BOP1: variants seen among roughly 807,000 people sequenced by gnomAD.
BOP1 encodes ribosome biogenesis protein BOP1.
BOP1 carries 54 observed loss-of-function variants against 82.9 expected under a neutral mutation model. The observed-to-expected ratio is 0.65, with a 90% CI of 0.52 to 0.82. The LOEUF (loss-of-function observed/expected upper bound fraction) is 0.82, where lower values mean the gene tolerates loss of function less well. Ranked by LOEUF, BOP1 falls within the 40% of genes least tolerant of loss-of-function variation. BOP1 has a pLI of 0.00. For synonymous variants in BOP1, 566 were observed against 451.1 expected (o/e 1.25, Z -3.23); for missense variants, 1,170 against 1,072.0 (o/e 1.09, Z -1.28).
Position 144,263,623 on chromosome 8 carries a change from G to C in BOP1, c.1292-13C>G, listed in dbSNP as rs1845287479. On this transcript the variant is annotated splice_polypyrimidine_tract_variant and intron_variant, in intron 10 of 15. Coordinates refer to ENST00000569669, the MANE Select transcript of BOP1 (RefSeq NM_015201.5). ...CCGTCGTCAGAGCCTGGATGCGGCA[G>C]AGACAGCTCTCAACACCTGGCCATC... is the stretch of plus-strand genomic sequence containing the variant. The C allele has an allele frequency of 2.5e-6, 4 of 1,608,796 alleles. No individual in the cohort carries two copies. Among genetic ancestry groups the C allele is most frequent in the African/African-American group, 2.7e-5 (2 of 74,968 alleles).
chr8:144,279,681 C>T (rs1483615769), intron 2 of BOP1, among the ~76,000 whole-genome samples: 1 of 152,194 alleles, frequency 6.6e-6, no homozygotes, highest in Non-Finnish European at 1.5e-5. Context: ...CTATGTCCCC[C>T]CCGCCGCAAA....
intron 3 of BOP1, among the ~76,000 whole-genome samples, chr8:144,271,550 C>G (rs1554837799): frequency 1.1e-4 from 17 of 152,108 alleles, no homozygotes; most frequent in Non-Finnish European, 2.2e-4. Context: ...CCTTCCTGTG[C>G]GACGTGAGGC....
intron 2 of BOP1, among the ~76,000 whole-genome samples, chr8:144,288,178 G>A (rs1554839657): frequency 2.6e-5 from 4 of 151,814 alleles, no homozygotes; most frequent in African/African-American, 9.7e-5. Context: ...GCTGAGACAG[G>A]AGAATTGTTT....
chr8:144,266,466 C>T (rs1845366551), intron 3 of BOP1: 1 of 978,206 alleles, frequency 1.0e-6, no homozygotes, highest in African/African-American at 1.8e-5. Context: ...CCGGGACGCA[C>T]ATGTGCGCGC....
At position 144,289,209 on chromosome 8, in the gene BOP1, A is replaced by C; in HGVS notation, c.195T>G (p.Asp65Glu). The C allele has an allele frequency of 6.2e-7, 1 of 1,614,072 alleles. No individual in the cohort carries two copies. Among genetic ancestry groups the C allele is most frequent in the Non-Finnish European group, 8.5e-7 (1 of 1,179,944 alleles). ...CATCCTCACTGCTGTCACTGCCGGA[A>C]TCTTCCAGGCCTGAGAACACACTTT... ...SEESVFSGLEDSGSDSSEDDD... is the reference protein window; with the variant it reads ...SEESVFSGLEESGSDSSEDDD... The change falls in exon 2 of 16, where the codon GAT becomes GAG. Residue 65 changes from aspartate to glutamate, a missense_variant. Coordinates refer to ENST00000569669, the MANE Select transcript of BOP1 (RefSeq NM_015201.5).
At chr8:144,279,015 C>T (rs1554838629) in intron 2 of BOP1, among the ~76,000 whole-genome samples, 3 of 152,210 alleles carry the variant, frequency 2.0e-5, no homozygotes, top group African/African-American at 7.2e-5. Context: ...GGCATGGAGG[C>T]CAACCCTGCA....
chr8:144,284,694 C>T (rs1814816827), intron 2 of BOP1, among the ~76,000 whole-genome samples: 1 of 152,238 alleles, frequency 6.6e-6, no homozygotes, highest in South Asian at 2.1e-4. Flanking sequence ...CCCTGGCACA[C>T]CCCTCAGGAG....
At chr8:144,267,319 CG>C (rs1164113342) in intron 3 of BOP1, 14 of 1,089,676 alleles carry the variant, frequency 1.3e-5, no homozygotes, top group Non-Finnish European at 1.7e-5. Flanking sequence ...ACAGGCCTGC[CG>C]GGGGCTGGGG....
chr8:144,262,048 G>A lies in BOP1; in HGVS notation c.*116C>T, dbSNP rs1459655873. On this transcript the variant is annotated 3_prime_UTR_variant, in exon 16 of 16. Transcript: ENST00000569669. ...GAGTGAGGGGAAGGCTCGGCGCTGT[G>A]GTGGGGGCGGCTTTGTTGGCAACCC... 5 of 1,454,012 alleles carry A rather than the reference G, an allele frequency of 3.4e-6. No homozygotes were observed. Among genetic ancestry groups the A allele is most frequent in the Non-Finnish European group, 4.7e-6 (5 of 1,059,052 alleles). 90.1% of individuals were successfully genotyped at this position (1,454,012 alleles called of 1,614,324 possible).
In BOP1 at chr8:144,262,202, A is replaced by G; in HGVS notation, c.2203T>C (p.Ser735Pro). The change falls in exon 16 of 16, where the codon TCC becomes CCC. Residue 735 changes from serine to proline, a missense_variant. Coordinates refer to ENST00000569669, the MANE Select transcript of BOP1 (RefSeq NM_015201.5). Reference protein sequence around the residue: ...IFHPTQPWVFSSGADGTVRLF... With the variant: ...IFHPTQPWVFPSGADGTVRLF... Reference sequence around the variant, plus strand: ...CGGACAGTCCCGTCTGCCCCCGAGGAGAAGACCCACGGCTGGGTGGGGTGG... The same window carrying G: ...CGGACAGTCCCGTCTGCCCCCGAGGGGAAGACCCACGGCTGGGTGGGGTGG... 6.2e-7 allele frequency: 1 copy of G among 1,612,716 alleles called. No homozygotes were observed. The highest frequency in any genetic ancestry group is 1.7e-5 in the Admixed American group (1 of 60,004).
At chr8:144,266,684 A>C in intron 3 of BOP1, 1 of 1,238,620 alleles carries the variant, frequency 8.1e-7, no homozygotes, top group Non-Finnish European at 1.0e-6. Flanking sequence ...CCGCTGTCGG[A>C]GGACGAGGAC....
intron 3 of BOP1, among the ~76,000 whole-genome samples, chr8:144,271,244 C>G (rs1188444188): frequency 6.6e-6 from 1 of 152,150 alleles, no homozygotes; most frequent in Non-Finnish European, 1.5e-5. Flanking sequence ...CCTTCCCTCC[C>G]CCTCCCCAAA....
At chr8:144,268,520 ACCCCCAG>A (rs1196404238) in intron 3 of BOP1, 8 of 290,838 alleles carry the variant, frequency 2.8e-5, no homozygotes, top group South Asian at 8.8e-5. Context: ...TTCAGAATCC[ACCCCCAG>A]CCCCCAGCCT....
intron 2 of BOP1, among the ~76,000 whole-genome samples, chr8:144,286,086 G>A (rs989904674): frequency 1.1e-4 from 17 of 152,358 alleles, no homozygotes; most frequent in South Asian, 6.2e-4. Flanking sequence ...AGAGGGGCGC[G>A]GAGGGCAGGC....
Position 144,264,978 on chromosome 8 carries a change from G to A in BOP1, c.484C>T (p.Pro162Ser). 1 of 1,612,418 alleles carries A rather than the reference G, an allele frequency of 6.2e-7. No individual in the cohort carries two copies. Among genetic ancestry groups the A allele is most frequent in the South Asian group, 1.1e-5 (1 of 91,074 alleles). The change falls in exon 4 of 16, where the codon CCC becomes TCC. Residue 162 changes from proline to serine, a missense_variant. Coordinates refer to ENST00000569669, the MANE Select transcript of BOP1 (RefSeq NM_015201.5). ...TCCAGCTCATCCCGGGTCCGCAGGG[G>A]CTTGTAGATGCGCCTGCCATCCAGG... The part of the protein sequence containing the change: ...YDLDGRRIYK[P>S]LRTRDELDQF...
intron 3 of BOP1, chr8:144,265,937 T>G (rs1186547624): frequency 6.6e-6 from 1 of 152,246 alleles, no homozygotes; most frequent in African/African-American, 2.4e-5. Flanking sequence ...ACAGGGGACA[T>G]GGCCAGCTAG....
intron 1 of BOP1, among the ~76,000 whole-genome samples, chr8:144,290,298 C>A (rs1815008799): frequency 6.9e-6 from 1 of 144,520 alleles, no homozygotes; most frequent in Non-Finnish European, 1.5e-5. Flanking sequence ...AAGACTGCAC[C>A]ACTGCACTCT....
In BOP1 at chr8:144,268,164, G is replaced by GC. The variant is rs1845424029; in HGVS notation, c.391-3094_391-3093insG. The GC allele has an allele frequency of 6.4e-4, 988 of 1,550,466 alleles. 2 individuals are homozygous for GC. The highest frequency in any genetic ancestry group is 4.1e-3 in the Middle Eastern group (22 of 5,382). ...TTAGGAGGTGGCCGGCAGCAGCCAG[G>GC]AGGCAGACGCTGCTGGGGGAGGTGG... On this transcript the variant is annotated intron_variant, in intron 3 of 15. Coordinates refer to ENST00000569669, the MANE Select transcript of BOP1 (RefSeq NM_015201.5).
At chr8:144,267,135 G>A (rs1285267775) in intron 3 of BOP1, 12 of 1,523,026 alleles carry the variant, frequency 7.9e-6, no homozygotes, top group South Asian at 6.0e-5. Context: ...AGAACACCCA[G>A]CCCAAACAGA....
Sources: gnomAD v4.1 joint callset for allele counts (sites outside exome capture counted in the v4.1 genomes callset) on GRCh38, gnomAD v4.1.1 for gene constraint, MANE v1.5 for transcripts, NCBI Gene and HGNC (gene_info 2026-07-23, HGNC 2026-07-21) for gene names.